The following GPC6 variants were observed in gnomAD, a reference collection of about 807,000 sequenced individuals.
The protein encoded by GPC6 is glypican 6.
A neutral mutation model predicts 55.2 loss-of-function variants in GPC6; 14 were observed. The observed-to-expected ratio is 0.25, with a 90% confidence interval of 0.17 to 0.40. The LOEUF is 0.40. GPC6 is among the 10% of genes least tolerant of loss of function. The probability of loss-of-function intolerance (pLI) is 1.00; values close to 1 mark genes in which losing one functional copy is unlikely to be tolerated. For synonymous variants in GPC6, 278 were observed against 259.6 expected, an observed-to-expected ratio of 1.07 and a Z score of -0.68; for missense variants, 641 against 708.5, an observed-to-expected ratio of 0.90 and a Z score of 1.08.
At chr13:94,108,398 A>G (rs569254181) in intron 4 of GPC6, among the ~76,000 whole-genome samples, 17 of 152,238 alleles carry the variant, frequency 1.1e-4, no homozygotes, top group African/African-American at 4.1e-4. Flanking sequence ...TGGGAAGGGG[A>G]CGAGGGTTAA....
intron 2 of GPC6, among the ~76,000 whole-genome samples, chr13:93,599,301 A>G (rs1440489183): frequency 6.6e-6 from 1 of 150,644 alleles, no homozygotes; most frequent in Non-Finnish European, 1.5e-5. Flanking sequence ...AAAAAAAAAA[A>G]GAGACATCAG....
chr13:94,085,248 G>T (rs1214194934), intron 4 of GPC6, among the ~76,000 whole-genome samples: 1 of 148,438 alleles, frequency 6.7e-6, no homozygotes, highest in Non-Finnish European at 1.5e-5. Flanking sequence ...CTTGAACCCA[G>T]GAGGCGGAGG....
At chr13:93,862,813 G>A (rs1029197472) in intron 3 of GPC6, among the ~76,000 whole-genome samples, 1 of 151,624 alleles carries the variant, frequency 6.6e-6, no homozygotes, top group Admixed American at 6.6e-5. Context: ...CTTTCCCTGT[G>A]AAGTGTATGG....
At chr13:93,353,088 A>G (rs1304406609) in intron 1 of GPC6, among the ~76,000 whole-genome samples, 4 of 152,108 alleles carry the variant, frequency 2.6e-5, no homozygotes, top group African/African-American at 9.7e-5. Context: ...TGATTTGCTG[A>G]TGTATTGTAT....
chr13:94,089,709 G>T (rs1195578988), intron 4 of GPC6, among the ~76,000 whole-genome samples: 1 of 152,118 alleles, frequency 6.6e-6, no homozygotes, highest in Non-Finnish European at 1.5e-5. Flanking sequence ...AAACAAGAAG[G>T]TAGAACTTCA....
intron 2 of GPC6, among the ~76,000 whole-genome samples, chr13:93,670,444 TA>T (rs1457238362): frequency 6.6e-6 from 1 of 152,212 alleles, no homozygotes; most frequent in Non-Finnish European, 1.5e-5. Context: ...TTGTGTTCAG[TA>T]ATATTAATCA....
chr13:93,509,890 GT>G (rs1201156953), intron 1 of GPC6, among the ~76,000 whole-genome samples: 2 of 152,136 alleles, frequency 1.3e-5, no homozygotes, highest in African/African-American at 4.8e-5. Context: ...GCTCTGCTTG[GT>G]TTCTGATTCT....
At chr13:93,788,938 C>T (rs1566536116) in intron 2 of GPC6, among the ~76,000 whole-genome samples, 1 of 151,948 alleles carries the variant, frequency 6.6e-6, no homozygotes, top group Non-Finnish European at 1.5e-5. Context: ...TTTAGTGATC[C>T]AGAGAAAGAT....
chr13:93,317,272 T>C (rs904210042), intron 1 of GPC6, among the ~76,000 whole-genome samples: 2 of 152,142 alleles, frequency 1.3e-5, no homozygotes, highest in African/African-American at 4.8e-5. Context: ...TAAGCATCTT[T>C]TATCATTGAA....
intron 1 of GPC6, among the ~76,000 whole-genome samples, chr13:93,521,434 A>G (rs1422124853): frequency 3.3e-5 from 5 of 151,996 alleles, no homozygotes; most frequent in African/African-American, 1.2e-4. Context: ...TGGGATTTCC[A>G]GCAGTGCTAC....
At chr13:93,291,190 G>C (rs908433523) in intron 1 of GPC6, among the ~76,000 whole-genome samples, 5 of 152,062 alleles carry the variant, frequency 3.3e-5, no homozygotes, top group African/African-American at 1.2e-4. Context: ...TTAATAGTTT[G>C]ATAATTTCTC....
At chr13:93,979,793 T>C (rs1880707019) in intron 3 of GPC6, among the ~76,000 whole-genome samples, 1 of 152,082 alleles carries the variant, frequency 6.6e-6, no homozygotes, top group Non-Finnish European at 1.5e-5. Context: ...GTTTAAAAAG[T>C]CCATGTATAG....
At chr13:93,572,033 A>G (rs536634896) in intron 2 of GPC6, among the ~76,000 whole-genome samples, 1 of 152,310 alleles carries the variant, frequency 6.6e-6, no homozygotes, top group East Asian at 1.9e-4. Context: ...TCTTCAAACT[A>G]TAGCTGGGCC....
In GPC6 at chr13:94,053,860, C is replaced by T. The variant is rs183405066; in HGVS notation, c.877+25966C>T. Among the ~76,000 whole-genome samples, 81 of 152,062 alleles carry T rather than the reference C, an allele frequency of 5.3e-4. 2 individuals carry two copies. The highest frequency in any genetic ancestry group is 4.1e-3 in the Admixed American group (62 of 15,272). On this transcript the variant is annotated intron_variant, in intron 4 of 8. Transcript: ENST00000377047. ...CTTCAGAGATATAGATACTTATATT[C>T]AGAAAAGCTACCTAGTTTAACCAGG...
intron 6 of GPC6, among the ~76,000 whole-genome samples, chr13:94,334,420 T>A (rs527913552): frequency 6.6e-6 from 1 of 152,332 alleles, no homozygotes; most frequent in Non-Finnish European, 1.5e-5. Flanking sequence ...AACCAAATCT[T>A]TCTAAAGTAG....
chr13:93,528,654 T>A (rs948809034), intron 1 of GPC6, among the ~76,000 whole-genome samples: 4 of 152,224 alleles, frequency 2.6e-5, no homozygotes, highest in African/African-American at 9.6e-5. Flanking sequence ...TGGCATCTTC[T>A]AAGGTAAATA....
At chr13:93,669,904 A>T (rs1881291831) in intron 2 of GPC6, among the ~76,000 whole-genome samples, 1 of 152,112 alleles carries the variant, frequency 6.6e-6, no homozygotes, top group African/African-American at 2.4e-5. Context: ...TTAGTAAGAG[A>T]TGCCTACCTA....
At chr13:93,864,122 T>C (rs1480032618) in intron 3 of GPC6, among the ~76,000 whole-genome samples, 1 of 151,694 alleles carries the variant, frequency 6.6e-6, no homozygotes, top group Admixed American at 6.6e-5. Context: ...AATTTCAAAT[T>C]AGCTACAATG....
At chr13:93,232,418 A>G (rs1594042663) in intron 1 of GPC6, among the ~76,000 whole-genome samples, 1 of 152,290 alleles carries the variant, frequency 6.6e-6, no homozygotes, top group East Asian at 1.9e-4. Context: ...AAAGCAATCT[A>G]AAAGTTGGGC....
Sources: allele counts gnomAD v4.1 joint callset (sites outside exome capture counted in the v4.1 genomes callset), GRCh38; gene constraint gnomAD v4.1.1; transcripts MANE v1.5; gene names NCBI Gene and HGNC (gene_info 2026-07-23, HGNC 2026-07-21).